The following GRIK1 variants were observed in gnomAD, a reference collection of about 807,000 sequenced individuals.
GRIK1 encodes glutamate receptor ionotropic, kainate 1.
Under a neutral mutation model 105.7 loss-of-function variants are expected in GRIK1, and 69 were observed. That is an observed-to-expected ratio of 0.65 (90% CI 0.54 to 0.80). The LOEUF is 0.80. Among genes scored for constraint, GRIK1 ranks in the 30% least tolerant of loss-of-function variants. The pLI is 0.00. For missense variants in GRIK1, 1,109 were observed against 1,167.3 expected (o/e 0.95, Z 0.73); for synonymous variants, 438 against 431.3 (o/e 1.02, Z -0.19).
At chr21:29,560,498 TCCTTCCTTCCTTCCTTCCTTC>T (rs1568815016) in intron 15 of GRIK1, among the ~76,000 whole-genome samples, 8 of 13,896 alleles carry the variant, frequency 5.8e-4, no homozygotes, top group African/African-American at 2.1e-3. Flanking sequence ...TTTCTTTCTT[TCCTTCCTTCCTTCCTTCCTTC>T]CTTTCTTTCT....
intron 1 of GRIK1, among the ~76,000 whole-genome samples, chr21:29,877,555 T>C (rs537529284): frequency 2.0e-4 from 31 of 152,288 alleles, no homozygotes; most frequent in African/African-American, 7.5e-4. Context: ...AAGTATCTCA[T>C]GCTGTATTAC....
At chr21:29,751,673 C>T (rs2065205362) in intron 1 of GRIK1, among the ~76,000 whole-genome samples, 1 of 152,206 alleles carries the variant, frequency 6.6e-6, no homozygotes, top group African/African-American at 2.4e-5. Flanking sequence ...CAGCCTGACA[C>T]ACCCAGTCAA....
chr21:29,850,637 G>T (rs1380558746), intron 1 of GRIK1, among the ~76,000 whole-genome samples: 4 of 152,152 alleles, frequency 2.6e-5, no homozygotes, highest in Non-Finnish European at 5.9e-5. Context: ...ATAACATCTT[G>T]TATTCTTGGC....
At chr21:29,916,820 T>C (rs946525118) in intron 1 of GRIK1, among the ~76,000 whole-genome samples, 5 of 152,066 alleles carry the variant, frequency 3.3e-5, no homozygotes, top group Middle Eastern at 3.4e-3. Context: ...AATAAATAGA[T>C]ATAATTGCAG....
chr21:29,748,390 G>A (rs1272139289), intron 1 of GRIK1: 3 of 152,190 alleles, frequency 2.0e-5, no homozygotes, highest in African/African-American at 7.2e-5. Context: ...TTGTCTGTCT[G>A]AACAATTCCT....
intron 1 of GRIK1, among the ~76,000 whole-genome samples, chr21:29,756,415 G>A (rs1159977764): frequency 2.6e-5 from 4 of 152,068 alleles, no homozygotes; most frequent in Admixed American, 6.6e-5. Context: ...ATAATGCTGC[G>A]CCCAGCACGG....
intron 4 of GRIK1, chr21:29,657,571 A>T (rs991430217): frequency 3.3e-5 from 5 of 152,194 alleles, no homozygotes; most frequent in African/African-American, 9.7e-5. Flanking sequence ...AATTGCTTGC[A>T]TTAGTGCCTC....
intron 7 of GRIK1, among the ~76,000 whole-genome samples, chr21:29,607,835 A>G (rs561881758): frequency 1.3e-5 from 2 of 152,334 alleles, no homozygotes; most frequent in Non-Finnish European, 2.9e-5. Flanking sequence ...ATTGACACAT[A>G]ATGTTTAAAA....
At chr21:29,868,656 C>A (rs1177147151) in intron 1 of GRIK1, among the ~76,000 whole-genome samples, 2 of 152,132 alleles carry the variant, frequency 1.3e-5, no homozygotes, top group Non-Finnish European at 2.9e-5. Context: ...CTCTTTCCTG[C>A]CTGGTCCTCC....
chr21:29,560,285 T>C (rs2090361866), intron 15 of GRIK1, among the ~76,000 whole-genome samples: 1 of 57,380 alleles, frequency 1.7e-5, no homozygotes, highest in South Asian at 5.9e-4. Flanking sequence ...ACAGTTTTCT[T>C]TCTTTCTTTC....
At chr21:29,761,068 T>C (rs1274700525) in intron 1 of GRIK1, among the ~76,000 whole-genome samples, 1 of 152,222 alleles carries the variant, frequency 6.6e-6, no homozygotes, top group African/African-American at 2.4e-5. Context: ...TAATCTATTG[T>C]GGGCTTGCTG....
chr21:29,815,660 TA>T (rs1180236850), intron 1 of GRIK1, among the ~76,000 whole-genome samples: 4 of 152,150 alleles, frequency 2.6e-5, no homozygotes, highest in Non-Finnish European at 5.9e-5. Flanking sequence ...AATGCATTTA[TA>T]AAAAGAATGT....
chr21:29,858,230 A>G (rs539310247), intron 1 of GRIK1, among the ~76,000 whole-genome samples: 2 of 152,250 alleles, frequency 1.3e-5, no homozygotes, highest in Non-Finnish European at 2.9e-5. Flanking sequence ...AATAAAGGTA[A>G]TAGAATAACA....
At chr21:29,638,568 T>G (rs1009548944) in intron 7 of GRIK1, among the ~76,000 whole-genome samples, 1 of 152,182 alleles carries the variant, frequency 6.6e-6, no homozygotes, top group Non-Finnish European at 1.5e-5. Context: ...CTTTGTGATG[T>G]TAGAATATTA....
chr21:29,753,203 T>A (rs923208989), intron 1 of GRIK1, among the ~76,000 whole-genome samples: 2 of 152,242 alleles, frequency 1.3e-5, no homozygotes, highest in African/African-American at 4.8e-5. Flanking sequence ...AACAATTTTA[T>A]AAAATAAATT....
intron 14 of GRIK1, 79 bp downstream of exon 14, chr21:29,576,885 C>CT (rs879103483): frequency 0.01 from 7,117 of 686,546 alleles, 1 homozygote; most frequent in South Asian, 0.013. Flanking sequence ...TTTTCTTTTT[C>CT]TTTTTTTTTT....
At chr21:29,805,836 C>T (rs924355231) in intron 1 of GRIK1, among the ~76,000 whole-genome samples, 1 of 152,124 alleles carries the variant, frequency 6.6e-6, no homozygotes, top group Non-Finnish European at 1.5e-5. Flanking sequence ...AACCTGTGAT[C>T]ACTGATATAG....
At chr21:29,632,224 T>C (rs1335617690) in intron 7 of GRIK1, among the ~76,000 whole-genome samples, 2 of 152,138 alleles carry the variant, frequency 1.3e-5, no homozygotes, top group Non-Finnish European at 2.9e-5. Context: ...CCTTCCCTCT[T>C]CTGAGCTTTG....
chr21:29,806,367 C>G (rs1278452606), intron 1 of GRIK1, among the ~76,000 whole-genome samples: 2 of 150,166 alleles, frequency 1.3e-5, no homozygotes, highest in Non-Finnish European at 3.0e-5. Flanking sequence ...TTTTTTTTTT[C>G]TCTCAATACA....
Sources: gnomAD v4.1 joint callset for allele counts (sites outside exome capture counted in the v4.1 genomes callset) on GRCh38, gnomAD v4.1.1 for gene constraint, MANE v1.5 for transcripts, NCBI Gene and HGNC (gene_info 2026-07-23, HGNC 2026-07-21) for gene names.